The following NOS2 variants were observed in gnomAD, a reference collection of about 807,000 sequenced individuals.
NOS2 encodes the protein nitric oxide synthase, inducible.
In NOS2, 96 loss-of-function variants were observed where a neutral mutation model predicts 136.0. The observed-to-expected ratio is 0.71, with a 90% CI of 0.60 to 0.84. The LOEUF is 0.84. NOS2 is among the 40% of genes least tolerant of loss of function. NOS2 has a pLI of 0.00. For synonymous variants in NOS2, 539 were observed against 587.5 expected, an observed-to-expected ratio of 0.92 and a Z score of 1.20; for missense variants, 1,237 against 1,496.9, an observed-to-expected ratio of 0.83 and a Z score of 2.87.
intron 16 of NOS2, 37 bp downstream of exon 16, chr17:27,769,498 G>C: frequency 1.3e-6 from 2 of 1,592,706 alleles, no homozygotes; most frequent in Non-Finnish European, 1.7e-6. Flanking sequence ...GGGTCCACAG[G>C]GCAGGGCTAG....
In NOS2 at chr17:27,773,191, C is replaced by A; in HGVS notation, c.1529G>T (p.Arg510Ile). 1 of 1,614,132 alleles carries A rather than the reference C, an allele frequency of 6.2e-7. No homozygotes were observed. The highest frequency in any genetic ancestry group is 1.1e-5 in the South Asian group (1 of 91,078). ...CAAGACTTTCAATGGAATCTCTCTTCTCTTGGGTCTCCGCTTCTCGTCCTG... is the reference window on the plus strand; with the variant it reads ...CAAGACTTTCAATGGAATCTCTCTTATCTTGGGTCTCCGCTTCTCGTCCTG... ...VWQDEKRRPK[R>I]REIPLKVLVK... Residue 510 changes from arginine to isoleucine, a missense_variant, in exon 13 of 27, where the codon AGA becomes ATA. Arg to Ile is a moderately conservative substitution (Grantham distance 97, BLOSUM62 -3). Around this residue, in one of 3 missense-constraint regions of NOS2, gnomAD observed 782 missense variants for 909.9 expected, o/e 0.86. Coordinates refer to ENST00000313735, the MANE Select transcript of NOS2 (RefSeq NM_000625.4).
At chr17:27,778,495 T>G (rs1351461534) in intron 11 of NOS2, among the ~76,000 whole-genome samples, 195 bp downstream of exon 11, 2 of 152,162 alleles carry the variant, frequency 1.3e-5, no homozygotes, top group African/African-American at 4.8e-5. Flanking sequence ...AGTAAAGTCC[T>G]TGAGCGATTG....
At chr17:27,775,856 T>A (rs1291890651) in intron 11 of NOS2, among the ~76,000 whole-genome samples, 1 of 152,230 alleles carries the variant, frequency 6.6e-6, no homozygotes, top group African/African-American at 2.4e-5. Flanking sequence ...GCATAGTAAG[T>A]GCTTAATAAA....
At chr17:27,788,673 G>A in intron 4 of NOS2, 136 bp downstream of exon 4, 1 of 1,027,550 alleles carries the variant, frequency 9.7e-7, no homozygotes, top group African/African-American at 1.6e-5. Context: ...TGTGAGGAAT[G>A]TCTCTGTTCC....
intron 2 of NOS2, chr17:27,793,704 C>T: frequency 2.5e-6 from 1 of 394,784 alleles, no homozygotes; most frequent in Non-Finnish European, 4.5e-6. Flanking sequence ...TGGCCCGGCT[C>T]CTTAGGCGCA....
At chr17:27,765,744 G>A in intron 19 of NOS2, 28 bp from the exon 20 acceptor site, 2 of 1,568,904 alleles carry the variant, frequency 1.3e-6, no homozygotes, top group South Asian at 1.2e-5. Flanking sequence ...AGCCTCAGGT[G>A]ACATTGCAGG....
intron 26 of NOS2, among the ~76,000 whole-genome samples, chr17:27,758,397 T>G (rs1461107118): frequency 6.6e-6 from 1 of 152,164 alleles, no homozygotes; most frequent in Non-Finnish European, 1.5e-5. Context: ...GCAAGCAGTA[T>G]GCCCAGTGTA....
rs1474272999 is a variant in NOS2 at position 27,760,057 on chromosome 17, G to C, written c.3132C>G (p.Ala1044=). The change falls in exon 25 of 27, where the codon GCC becomes GCG. Residue 1044 remains alanine, a synonymous_variant. Coordinates refer to ENST00000313735, the MANE Select transcript of NOS2 (RefSeq NM_000625.4). The part of the protein sequence containing the change: ...QKGVLHAVHT[A]YSRLPGKPKV... ...TGGGCTTGCCAGGCAGGCGGGAATA[G>C]GCTGTGTGCACCGCATGCAGCACCC... The C allele has an allele frequency of 6.3e-7, 1 of 1,575,186 alleles. No homozygotes were observed. Among genetic ancestry groups the C allele is most frequent in the Admixed American group, 1.9e-5 (1 of 53,336 alleles).
chr17:27,774,624 C>A (rs1465620249), intron 11 of NOS2, among the ~76,000 whole-genome samples, 173 bp from the exon 12 acceptor site: 2 of 152,164 alleles, frequency 1.3e-5, no homozygotes, highest in Non-Finnish European at 2.9e-5. Context: ...AAATGGAAGG[C>A]GCTTGTGGAG....
In NOS2 at chr17:27,767,769, A is replaced by G; in HGVS notation, c.2103T>C (p.Asn701=). Residue 701 remains asparagine, a synonymous_variant, in exon 18 of 27, where the codon AAT becomes AAC. Coordinates refer to ENST00000313735, the MANE Select transcript of NOS2 (RefSeq NM_000625.4). The part of the protein sequence containing the change: ...HIQIPKLYTS[N]VTWDPHHYRL... The stretch of plus-strand genomic sequence containing the variant: ...TGTAGTGGTGCGGGTCCCAGGTCAC[A>G]TTGGAGGTGTAGAGCTTGGGGATCT... The G allele has an allele frequency of 6.2e-7, 1 of 1,613,184 alleles. No homozygotes were observed. Among genetic ancestry groups the G allele is most frequent in the Non-Finnish European group, 8.5e-7 (1 of 1,180,018 alleles).
intron 20 of NOS2, among the ~76,000 whole-genome samples, chr17:27,764,580 T>TC (rs1234638374): frequency 1.3e-5 from 2 of 152,086 alleles, no homozygotes; most frequent in African/African-American, 4.8e-5. Flanking sequence ...CAAAGGGAAG[T>TC]CCCAGGGAGC....
intron 2 of NOS2, among the ~76,000 whole-genome samples, chr17:27,791,225 G>T (rs1484550491): frequency 6.6e-6 from 1 of 152,138 alleles, no homozygotes; most frequent in African/African-American, 2.4e-5. Context: ...CCTGTAAAGG[G>T]CCTTCCATGT....
At position 27,772,322 on chromosome 17, in the gene NOS2, C is replaced by T. The variant is rs779373573; in HGVS notation, c.1690G>A (p.Ala564Thr). 9.9e-6 allele frequency: 16 copies of T among 1,614,154 alleles called. 1 individual carries two copies. Among genetic ancestry groups the T allele is most frequent in the Middle Eastern group, 1.6e-4 (1 of 6,062 alleles). Reference protein sequence around the residue: ...AWDLGALFSCAFNPKVVCMDK... With the variant: ...AWDLGALFSCTFNPKVVCMDK... ...TGAGCCAGTACCTTGGGGTTGAAGG[C>T]ACAGCTGAATAAGGCCCCCAGGTCC... Residue 564 changes from alanine (A) to threonine (T), a missense_variant, in exon 14 of 27, where the codon GCC becomes ACC. Ala to Thr is a moderately conservative substitution (Grantham distance 58). This residue lies in a region of NOS2 where 782 missense variants were observed against 909.9 expected (regional missense o/e 0.86). Transcript: ENST00000313735.
intron 5 of NOS2, among the ~76,000 whole-genome samples, chr17:27,787,261 T>A (rs1300696844): frequency 1.3e-5 from 2 of 152,204 alleles, no homozygotes; most frequent in African/African-American, 2.4e-5. Context: ...TCCATATTAA[T>A]TCACAATCAA....
rs1484932993 is a variant in NOS2, at chr17:27,798,815, TG to T, written c.-7del. 1 of 1,573,888 alleles carries T rather than the reference TG, an allele frequency of 6.4e-7. No homozygotes were observed. Among genetic ancestry groups the T allele is most frequent in the African/African-American group, 1.3e-5 (1 of 74,090 alleles). On this transcript the variant is annotated 5_prime_UTR_variant, in exon 2 of 27. Coordinates refer to ENST00000313735, the MANE Select transcript of NOS2 (RefSeq NM_000625.4). ...AATTTCCAAGGACAGGCCATCTCTA[TG>T]GCTTTACAAAGCAGGTCACTTATGT...
At chr17:27,769,197 C>A (rs1357103552) in intron 16 of NOS2, 46 bp from the exon 17 acceptor site, 2 of 1,549,720 alleles carry the variant, frequency 1.3e-6, no homozygotes, top group African/African-American at 1.3e-5. Context: ...GCAAGCAGCA[C>A]CTGGCACCCA....
intron 11 of NOS2, 110 bp downstream of exon 11, chr17:27,778,580 C>T: frequency 1.2e-6 from 1 of 836,118 alleles, no homozygotes; most frequent in South Asian, 1.5e-5. Flanking sequence ...TGTTGCTGGA[C>T]CTCTAGAGTG....
chr17:27,789,418 T>A (rs1300265993), intron 3 of NOS2, among the ~76,000 whole-genome samples, 186 bp downstream of exon 3: 1 of 152,178 alleles, frequency 6.6e-6, no homozygotes, highest in African/African-American at 2.4e-5. Flanking sequence ...CTGGGGGTTG[T>A]CTCACTCTCC....
rs778756552 is a variant in NOS2, at chr17:27,760,173, G to A, written c.3016C>T (p.Arg1006Trp). Residue 1006 changes from arginine to tryptophan, a missense_variant, in exon 25 of 27, where the codon CGG becomes TGG. Coordinates refer to ENST00000313735, the MANE Select transcript of NOS2 (RefSeq NM_000625.4). ...AACACCAAGGTCATGCGGCCTCCCCGCACTCCTGCAGGAGTCCCGGGCTGT... is the reference window on the plus strand; with the variant it reads ...AACACCAAGGTCATGCGGCCTCCCCACACTCCTGCAGGAGTCCCGGGCTGT... ...RLHDSQHKGVRGGRMTLVFGC... is the reference protein window; with the variant it reads ...RLHDSQHKGVWGGRMTLVFGC... 38 of 1,569,604 alleles carry A rather than the reference G, an allele frequency of 2.4e-5. No homozygotes were observed. The highest frequency in any genetic ancestry group is 3.1e-5 in the Non-Finnish European group (36 of 1,159,880).
Sources: gnomAD v4.1 joint callset for allele counts (sites outside exome capture counted in the v4.1 genomes callset) on GRCh38, gnomAD v4.1.1 for gene constraint, gnomAD v4.1.1 regional missense constraint, MANE v1.5 for transcripts, NCBI Gene and HGNC (gene_info 2026-07-23, HGNC 2026-07-21) for gene names.